Variants in FERMT1 observed in about 807,000 individuals in gnomAD.
FERMT1 encodes the protein FERM domain containing kindlin 1.
In FERMT1, 60 loss-of-function variants were observed where a neutral mutation model predicts 85.3. The ratio of observed to expected loss-of-function variants is 0.70; its 90% confidence interval spans 0.57 to 0.87. FERMT1 has a LOEUF of 0.87. FERMT1 is among the 40% of genes least tolerant of loss of function. The pLI is 0.00. For missense variants in FERMT1, 701 were observed against 818.9 expected (o/e 0.86, Z 1.76); for synonymous variants, 275 against 301.1 (o/e 0.91, Z 0.90).
At chr20:6,078,269 C>T (rs933930835) in intron 14 of FERMT1, among the ~76,000 whole-genome samples, 1 of 152,156 alleles carries the variant, frequency 6.6e-6, no homozygotes, top group Non-Finnish European at 1.5e-5. Context: ...TTAGAGCTAC[C>T]GCCTTAGAGG....
intron 13 of FERMT1, 59 bp downstream of exon 13, chr20:6,083,981 C>T (rs2123097962): frequency 6.2e-7 from 1 of 1,607,230 alleles, no homozygotes; most frequent in East Asian, 2.2e-5. Flanking sequence ...ACTGGGGCTC[C>T]CCAAAAGCCA....
At position 6,115,938 on chromosome 20, in the gene FERMT1, TG is replaced by T; in HGVS notation, c.257del (p.Ala86GlufsTer19). 1.2e-6 allele frequency: 2 copies of T among 1,614,178 alleles called. No individual in the cohort carries two copies. Among genetic ancestry groups the T allele is most frequent in the Non-Finnish European group, 1.7e-6 (2 of 1,180,020 alleles). ...TLDKYGVQAD[A>X]KLLFTPQHKM... ...TATGCTGAGGGGTGAAGAGAAGCTT[TG>T]CATCTGCCTGGACCCCATATTTGTC... On this transcript the variant is annotated frameshift_variant, in exon 3 of 15. Transcript: ENST00000217289. LOFTEE classifies it high-confidence loss of function.
intron 7 of FERMT1, 120 bp from the exon 8 acceptor site, chr20:6,097,153 A>G: frequency 1.0e-6 from 1 of 993,582 alleles, no homozygotes; most frequent in South Asian, 1.3e-5. Context: ...CATCTCCTAA[A>G]CAGAGGTCTC....
At chr20:6,107,156 A>C (rs1982818138) in intron 6 of FERMT1, among the ~76,000 whole-genome samples, 2 of 145,592 alleles carry the variant, frequency 1.4e-5, no homozygotes, top group Admixed American at 1.5e-4. Flanking sequence ...AGATCGTGCC[A>C]CTGCACTCCA....
At position 6,119,710 on chromosome 20, in the gene FERMT1, G is replaced by A. The variant is rs141940905; in HGVS notation, c.-18-138C>T. On this transcript the variant is annotated intron_variant, in intron 1 of 14. Coordinates refer to ENST00000217289, the MANE Select transcript of FERMT1 (RefSeq NM_017671.5). ...TTCAAAACACTCTGCAAGGTTCCAG[G>A]TGCTCCAGATATCAAATTTGGCATC... 1.9e-3 allele frequency: 1,264 copies of A among 667,194 alleles called. 4 individuals are homozygous for A. Among genetic ancestry groups the A allele is most frequent in the Non-Finnish European group, 2.5e-3 (988 of 398,254 alleles). The allele number at this position is 667,194 out of a possible 1,614,324, so 41.3% of individuals were successfully genotyped here.
intron 12 of FERMT1, 103 bp from the exon 13 acceptor site, chr20:6,084,267 T>C: frequency 7.9e-7 from 1 of 1,259,106 alleles, no homozygotes; most frequent in Non-Finnish European, 1.1e-6. Context: ...TCAAGGTCCG[T>C]CTGCAGCTCT....
At chr20:6,086,890 A>C (rs896004517) in intron 11 of FERMT1, among the ~76,000 whole-genome samples, 1 of 152,046 alleles carries the variant, frequency 6.6e-6, no homozygotes, top group African/African-American at 2.4e-5. Flanking sequence ...TCCCAGTCTC[A>C]GGTAGTTCTT....
rs930774750 is a variant in FERMT1, at chr20:6,075,272, A to C, written c.*1901T>G. 1.3e-5 allele frequency: 2 copies of C among 152,336 alleles called. No homozygotes were observed. Among genetic ancestry groups the C allele is most frequent in the Non-Finnish European group, 2.9e-5 (2 of 68,040 alleles). The allele number at this position is 152,336 out of a possible 1,614,324, so 9.4% of individuals were successfully genotyped here. A position where few individuals can be genotyped will look rare whatever the true frequency, so the allele number is the denominator to read the frequency against. ...GGCAGAGATGTTCTCAGCAGCAAACAGGTAAAATCTGACATCGAGAAGCAT... is the reference window on the plus strand; with the variant it reads ...GGCAGAGATGTTCTCAGCAGCAAACCGGTAAAATCTGACATCGAGAAGCAT... On this transcript the variant is annotated 3_prime_UTR_variant, in exon 15 of 15. Transcript: ENST00000217289.
rs140624712 is a variant in FERMT1 at position 6,119,496 on chromosome 20, T to C, written c.59A>G (p.His20Arg). 63 of 1,614,208 alleles carry C rather than the reference T, an allele frequency of 3.9e-5. No individual in the cohort carries two copies. In the East Asian group the frequency reaches 1.4e-3, roughly 36 times the overall value. ...ASWELVVRVD[H>R]PNEEQQKDVT... is the part of the protein sequence containing the mutation. The stretch of plus-strand genomic sequence containing the variant: ...GTCTTTCTGCTGCTCTTCATTGGGA[T>C]GGTCAACGCGGACCACAAGCTCCCA... The change falls in exon 2 of 15, where the codon CAT (histidine) becomes CGT (arginine). Residue 20 changes from histidine to arginine, a missense_variant. By Grantham distance (29) the His-to-Arg change is conservative (BLOSUM62 0). Transcript: ENST00000217289.
At chr20:6,092,329 G>A (rs796919901) in intron 9 of FERMT1, among the ~76,000 whole-genome samples, 13 of 152,324 alleles carry the variant, frequency 8.5e-5, no homozygotes, top group African/African-American at 3.1e-4. Context: ...AAGATCTTGA[G>A]TCCAGGAGTT....
chr20:6,095,890 C>T (rs1320302025), intron 8 of FERMT1, among the ~76,000 whole-genome samples: 1 of 152,172 alleles, frequency 6.6e-6, no homozygotes, highest in Non-Finnish European at 1.5e-5. Flanking sequence ...AATTCTAATC[C>T]ATGATTACTG....
At chr20:6,100,967 G>A (rs1436249587) in intron 6 of FERMT1, among the ~76,000 whole-genome samples, 1 of 152,150 alleles carries the variant, frequency 6.6e-6, no homozygotes, top group Admixed American at 6.5e-5. Context: ...AATAGAGTTT[G>A]TGGCAAATAT....
At chr20:6,095,230 G>A (rs1481209196) in intron 8 of FERMT1, among the ~76,000 whole-genome samples, 2 of 152,198 alleles carry the variant, frequency 1.3e-5, no homozygotes, top group Non-Finnish European at 2.9e-5. Flanking sequence ...AGGTCCCCTA[G>A]GTGGCTGGCA....
chr20:6,114,321 A>AC (rs1414558722), intron 3 of FERMT1, among the ~76,000 whole-genome samples: 13 of 152,338 alleles, frequency 8.5e-5, no homozygotes, highest in South Asian at 6.2e-4. Context: ...CAAGGGAAAA[A>AC]CCACTAAACT....
At position 6,075,554 on chromosome 20, in the gene FERMT1, A is replaced by G. The variant is rs1284781704; in HGVS notation, c.*1619T>C. On this transcript the variant is annotated 3_prime_UTR_variant, in exon 15 of 15. Coordinates refer to ENST00000217289, the MANE Select transcript of FERMT1 (RefSeq NM_017671.5). ...GGAGGCTTCATTCACATTCACCTCT[A>G]AGGAGAGGCTAAAAGAGGAATTTCC... is the stretch of plus-strand genomic sequence containing the variant. 1.3e-5 allele frequency: 2 copies of G among 152,468 alleles called. No homozygotes were observed. The highest frequency in any genetic ancestry group is 4.8e-5 in the African/African-American group (2 of 41,572). 9.4% of individuals were successfully genotyped at this position (152,468 alleles called of 1,614,324 possible). A position where few individuals can be genotyped will look rare whatever the true frequency, so the allele number is the denominator to read the frequency against.
At chr20:6,092,032 C>G (rs1402336299) in intron 9 of FERMT1, among the ~76,000 whole-genome samples, 4 of 151,452 alleles carry the variant, frequency 2.6e-5, no homozygotes, top group Non-Finnish European at 5.9e-5. Flanking sequence ...CCTCTGCTTC[C>G]CAGGCTCAAG....
chr20:6,087,934 T>C, intron 10 of FERMT1, 51 bp from the exon 11 acceptor site: 2 of 981,640 alleles, frequency 2.0e-6, no homozygotes, highest in Non-Finnish European at 3.3e-6. Context: ...ATCTGTTAGA[T>C]AAACATCAGG....
At chr20:6,079,347 G>A in intron 14 of FERMT1, 89 bp downstream of exon 14, 1 of 1,369,028 alleles carries the variant, frequency 7.3e-7, no homozygotes. Context: ...CTAAATAGAA[G>A]AACACCTTTT....
chr20:6,079,044 A>T (rs1176828771), intron 14 of FERMT1, among the ~76,000 whole-genome samples: 1 of 152,224 alleles, frequency 6.6e-6, no homozygotes, highest in East Asian at 1.9e-4. Context: ...CTTGGCAGCC[A>T]GTCAGATGAG....
Sources: allele counts gnomAD v4.1 joint callset (sites outside exome capture counted in the v4.1 genomes callset), GRCh38; gene constraint gnomAD v4.1.1; transcripts MANE v1.5; gene names NCBI Gene and HGNC (gene_info 2026-07-23, HGNC 2026-07-21).